Variants in RAPGEF6 observed in about 807,000 individuals in gnomAD.
RAPGEF6 encodes Rap guanine nucleotide exchange factor 6, also known as PDZ domain containing guanine nucleotide exchange factor (GEF) 2.
RAPGEF6 carries 56 observed loss-of-function variants against 171.4 expected under a neutral mutation model. That is an observed-to-expected ratio of 0.33 (90% confidence interval 0.26 to 0.41). The LOEUF is 0.41. Among genes scored for constraint, RAPGEF6 ranks in the 10% least tolerant of loss-of-function variants. The probability of loss-of-function intolerance (pLI) is 1.00; values close to 1 mark genes in which losing one functional copy is unlikely to be tolerated. For synonymous variants in RAPGEF6, 692 were observed against 650.1 expected, an observed-to-expected ratio of 1.06 and a Z score of -0.98; for missense variants, 1,674 against 1,921.4, an observed-to-expected ratio of 0.87 and a Z score of 2.41.
chr5:131,546,845 G>A (rs759093046), intron 6 of RAPGEF6, among the ~76,000 whole-genome samples: 22 of 152,102 alleles, frequency 1.4e-4, no homozygotes, highest in South Asian at 4.1e-4. Flanking sequence ...TTATCTGTAT[G>A]TTGAAAAGCT....
chr5:131,434,225 G>A (rs1209999818), intron 24 of RAPGEF6, among the ~76,000 whole-genome samples: 1 of 152,142 alleles, frequency 6.6e-6, no homozygotes, highest in African/African-American at 2.4e-5. Context: ...CTTGTCTTGA[G>A]TTGAGAGTCA....
At position 131,497,048 on chromosome 5, in the gene RAPGEF6, C is replaced by T. The variant is rs562928132; in HGVS notation, c.1420-1388G>A. On this transcript the variant is annotated intron_variant, in intron 12 of 27. Coordinates refer to ENST00000509018, the MANE Select transcript of RAPGEF6 (RefSeq NM_016340.6). ...CAATGTTTGTTACTTTTTCTTTTTTCCCCCTTTTTAAAAGCCATCCTAGTG... is the reference window on the plus strand; with the variant it reads ...CAATGTTTGTTACTTTTTCTTTTTTTCCCCTTTTTAAAAGCCATCCTAGTG... Among the ~76,000 whole-genome samples, 9 of 152,010 alleles carry T rather than the reference C, an allele frequency of 5.9e-5. No individual in the cohort carries two copies. In the South Asian group the frequency reaches 1.9e-3, roughly 32 times the overall value.
At chr5:131,552,610 A>G (rs1760988664) in intron 5 of RAPGEF6, among the ~76,000 whole-genome samples, 1 of 151,786 alleles carries the variant, frequency 6.6e-6, no homozygotes, top group African/African-American at 2.4e-5. Context: ...ACAGGCATGC[A>G]CCACCACGCC....
chr5:131,455,226 A>C (rs1273617300), intron 20 of RAPGEF6, among the ~76,000 whole-genome samples: 1 of 152,238 alleles, frequency 6.6e-6, no homozygotes, highest in African/African-American at 2.4e-5. Flanking sequence ...AAGCACAGCA[A>C]CAACTGCATG....
At chr5:131,551,176 T>C (rs999593630) in intron 5 of RAPGEF6, among the ~76,000 whole-genome samples, 2 of 152,178 alleles carry the variant, frequency 1.3e-5, no homozygotes, top group Non-Finnish European at 2.9e-5. Context: ...CCCTATTACA[T>C]AGCTACTTTT....
At chr5:131,543,916 G>A (rs1308403712) in intron 6 of RAPGEF6, among the ~76,000 whole-genome samples, 1 of 151,992 alleles carries the variant, frequency 6.6e-6, no homozygotes, top group African/African-American at 2.4e-5. Context: ...TTTTACAAAA[G>A]AATATGAATA....
rs908835841 is a variant in RAPGEF6, at chr5:131,425,864, T to G, written c.*1402A>C. The G allele has an allele frequency of 4.8e-5, 7 of 146,022 alleles. No homozygotes were observed. The highest frequency in any genetic ancestry group is 1.0e-4 in the Non-Finnish European group (7 of 67,328). 9.0% of individuals were successfully genotyped at this position (146,022 alleles called of 1,614,324 possible). On this transcript the variant is annotated 3_prime_UTR_variant, in exon 28 of 28. Coordinates refer to ENST00000509018, the MANE Select transcript of RAPGEF6 (RefSeq NM_016340.6). Reference sequence around the variant, plus strand: ...CCTTTTGGCTCCAAGTTGATCTGGGTAGTGCACGTTAATGGCTTTGGCTTT... The same window carrying G: ...CCTTTTGGCTCCAAGTTGATCTGGGGAGTGCACGTTAATGGCTTTGGCTTT...
At chr5:131,481,302 T>G (rs896716599) in intron 15 of RAPGEF6, among the ~76,000 whole-genome samples, 1 of 151,816 alleles carries the variant, frequency 6.6e-6, no homozygotes, top group African/African-American at 2.4e-5. Flanking sequence ...CAGGGCTCAC[T>G]GCAGCCTGGA....
chr5:131,515,823 C>G (rs1463895789), intron 7 of RAPGEF6, among the ~76,000 whole-genome samples: 2 of 151,972 alleles, frequency 1.3e-5, no homozygotes, highest in African/African-American at 4.8e-5. Flanking sequence ...GGGGCAGAAT[C>G]TAGAATGTGT....
chr5:131,501,765 T>C (rs1473696208), intron 11 of RAPGEF6, among the ~76,000 whole-genome samples: 1 of 151,984 alleles, frequency 6.6e-6, no homozygotes, highest in Non-Finnish European at 1.5e-5. Flanking sequence ...TTTACAAATA[T>C]AGAAGGGAAT....
chr5:131,476,989 A>T (rs1755144839), intron 16 of RAPGEF6, among the ~76,000 whole-genome samples: 1 of 152,190 alleles, frequency 6.6e-6, no homozygotes, highest in African/African-American at 2.4e-5. Context: ...ATTAAACTGT[A>T]TATCCTGGAT....
intron 8 of RAPGEF6, 38 bp from the exon 9 acceptor site, chr5:131,508,245 A>C (rs771171041): frequency 6.5e-7 from 1 of 1,536,052 alleles, no homozygotes; most frequent in East Asian, 2.4e-5. Context: ...AAGACCATCG[A>C]GGACTATACC....
intron 4 of RAPGEF6, among the ~76,000 whole-genome samples, chr5:131,566,865 T>G (rs1761979034): frequency 6.6e-6 from 1 of 151,950 alleles, no homozygotes; most frequent in Non-Finnish European, 1.5e-5. Context: ...TCCCAGCACT[T>G]TGGGAAGCCG....
At chr5:131,459,693 T>C (rs1035363683) in intron 19 of RAPGEF6, among the ~76,000 whole-genome samples, 1 of 152,170 alleles carries the variant, frequency 6.6e-6, no homozygotes, top group African/African-American at 2.4e-5. Flanking sequence ...GACAACTTTA[T>C]AAGAACTGAT....
At chr5:131,440,737 C>CAAAAAAAAAAAAAAAA (rs1168441695) in intron 23 of RAPGEF6, among the ~76,000 whole-genome samples, 1 of 66,856 alleles carries the variant, frequency 1.5e-5, no homozygotes. Context: ...GACTCTGTCT[C>CAAAAAAAAAAAAAAAA]AAAAAAAAAA....
In RAPGEF6 at chr5:131,592,479, A is replaced by G. The variant is rs1418242098; in HGVS notation, c.198-13T>C. On this transcript the variant is annotated splice_polypyrimidine_tract_variant and intron_variant, in intron 3 of 27. Coordinates refer to ENST00000509018, the MANE Select transcript of RAPGEF6 (RefSeq NM_016340.6). ...AATCGTTTCTGAACTGTTTAAATAAATAAGTAAATAAATGAGCAAAACAAC... is the reference window on the plus strand; with the variant it reads ...AATCGTTTCTGAACTGTTTAAATAAGTAAGTAAATAAATGAGCAAAACAAC... 1.2e-6 allele frequency: 2 copies of G among 1,609,784 alleles called. No homozygotes were observed. Among genetic ancestry groups the G allele is most frequent in the Non-Finnish European group, 1.7e-6 (2 of 1,177,658 alleles).
At chr5:131,624,979 C>T (rs1471163657) in intron 1 of RAPGEF6, among the ~76,000 whole-genome samples, 4 of 151,054 alleles carry the variant, frequency 2.6e-5, no homozygotes, top group South Asian at 2.1e-4. Flanking sequence ...AAAAAGTAGC[C>T]GGGCATGGGT....
chr5:131,464,569 C>G (rs754733098), intron 17 of RAPGEF6, among the ~76,000 whole-genome samples: 1 of 151,662 alleles, frequency 6.6e-6, no homozygotes, highest in Non-Finnish European at 1.5e-5. Flanking sequence ...CATTTTAATG[C>G]CATTATATTC....
At chr5:131,503,840 C>T (rs1027126376) in intron 11 of RAPGEF6, among the ~76,000 whole-genome samples, 4 of 152,144 alleles carry the variant, frequency 2.6e-5, no homozygotes, top group Non-Finnish European at 5.9e-5. Flanking sequence ...TTTTGATTTA[C>T]CTCATTTAGC....
Sources: allele counts gnomAD v4.1 joint callset (sites outside exome capture counted in the v4.1 genomes callset), GRCh38; gene constraint gnomAD v4.1.1; transcripts MANE v1.5; gene names NCBI Gene and HGNC (gene_info 2026-07-23, HGNC 2026-07-21).